IQCE: variants seen among roughly 807,000 people sequenced by gnomAD.
IQCE encodes the protein IQ domain-containing protein E.
In IQCE, 115 loss-of-function variants were observed where a neutral mutation model predicts 96.0. The observed-to-expected ratio is 1.20, with a 90% confidence interval of 1.03 to 1.40. The LOEUF (loss-of-function observed/expected upper bound fraction) is 1.40, where lower values mean the gene tolerates loss of function less well. Ranked by LOEUF, IQCE falls within the 40% of genes most tolerant of loss-of-function variation. IQCE has a pLI of 0.00. For synonymous variants in IQCE, 412 were observed against 371.2 expected (o/e 1.11, Z -1.26); for missense variants, 1,041 against 909.1 (o/e 1.15, Z -1.87).
chr7:2,567,326 G>C (rs1781454739), intron 2 of IQCE, among the ~76,000 whole-genome samples, 163 bp downstream of exon 2: 1 of 152,242 alleles, frequency 6.6e-6, no homozygotes, highest in Non-Finnish European at 1.5e-5. Flanking sequence ...CCAGCCCTTA[G>C]GTTTAAATAC....
In IQCE at chr7:2,610,256, G is replaced by C. The variant is rs148380787; in HGVS notation, c.*94G>C. The C allele has an allele frequency of 4.1e-5, 33 of 797,798 alleles. No individual in the cohort carries two copies. In the South Asian group the frequency reaches 4.3e-4, roughly 10 times the overall value. 49.4% of individuals were successfully genotyped at this position (797,798 alleles called of 1,614,324 possible). ...TAATTTATCGTGTTAGGAGAAGAACGATGATACCTACTTAACACCTCAGCA... is the reference window on the plus strand; with the variant it reads ...TAATTTATCGTGTTAGGAGAAGAACCATGATACCTACTTAACACCTCAGCA... On this transcript the variant is annotated 3_prime_UTR_variant, in exon 22 of 22. Transcript: ENST00000402050.
rs4719606 is a variant in IQCE, at chr7:2,612,517, G to A, written c.*2355G>A. The A allele has an allele frequency of 6.6e-6, 1 of 152,040 alleles. No individual in the cohort carries two copies. 9.4% of individuals were successfully genotyped at this position (152,040 alleles called of 1,614,324 possible). A position where few individuals can be genotyped will look rare whatever the true frequency, so the allele number is the denominator to read the frequency against. On this transcript the variant is annotated 3_prime_UTR_variant, in exon 22 of 22. Coordinates refer to ENST00000402050, the MANE Select transcript of IQCE (RefSeq NM_152558.5). ...GGACTTAGGCAGGAGGGGAAGAGAAGCCCATGGAGCCATGGGAGGGGTGAG... is the reference window on the plus strand; with the variant it reads ...GGACTTAGGCAGGAGGGGAAGAGAAACCCATGGAGCCATGGGAGGGGTGAG...
chr7:2,567,383 A>C (rs1271440202), intron 2 of IQCE, among the ~76,000 whole-genome samples: 1 of 152,284 alleles, frequency 6.6e-6, no homozygotes. Flanking sequence ...AATCCTGAGC[A>C]GGGCTCATGT....
intron 7 of IQCE, 40 bp from the exon 8 acceptor site, chr7:2,578,436 C>T (rs760075112): frequency 6.2e-7 from 1 of 1,613,584 alleles, no homozygotes; most frequent in East Asian, 2.2e-5. Flanking sequence ...CTGGGGGCTA[C>T]ACCGAAGGCC....
At chr7:2,581,054 A>G (rs940206606) in intron 8 of IQCE, among the ~76,000 whole-genome samples, 9 of 152,016 alleles carry the variant, frequency 5.9e-5, no homozygotes, top group African/African-American at 2.2e-4. Context: ...CGTGTTAGCC[A>G]GGATGGTCTC....
chr7:2,603,974 A>G (rs1289076906), intron 18 of IQCE, among the ~76,000 whole-genome samples: 4 of 138,696 alleles, frequency 2.9e-5, no homozygotes, highest in Non-Finnish European at 6.1e-5. Flanking sequence ...TGAACTTCTT[A>G]CGGAGCTTCC....
At chr7:2,598,747 T>G in intron 17 of IQCE, 115 bp downstream of exon 17, 3 of 903,010 alleles carry the variant, frequency 3.3e-6, no homozygotes, top group Non-Finnish European at 4.6e-6. Flanking sequence ...CCCAGGTGTC[T>G]GAGCACCGTA....
At chr7:2,606,096 C>T in intron 20 of IQCE, 99 bp downstream of exon 20, 1 of 1,389,356 alleles carries the variant, frequency 7.2e-7, no homozygotes, top group Non-Finnish European at 9.5e-7. Context: ...GTGGCGGAAA[C>T]TGGAGCAGCG....
rs1263318921 is a variant in IQCE, at chr7:2,614,088, C to G, written c.*3926C>G. The G allele has an allele frequency of 6.6e-6, 1 of 152,160 alleles. No homozygotes were observed. 9.4% of individuals were successfully genotyped at this position (152,160 alleles called of 1,614,324 possible). The stretch of plus-strand genomic sequence containing the variant: ...CCTGACGAGACGTGAGGACCATGCC[C>G]TTGATCCCTCCGATGGACCAGAAAC... On this transcript the variant is annotated 3_prime_UTR_variant, in exon 22 of 22. Coordinates refer to ENST00000402050, the MANE Select transcript of IQCE (RefSeq NM_152558.5).
Position 2,572,267 on chromosome 7 carries a change from ACTGT to A in IQCE, c.339_342del (p.Cys113Ter), listed in dbSNP as rs770209210. On this transcript the variant is annotated frameshift_variant, in exon 5 of 22. Transcript: ENST00000402050. LOFTEE classifies it high-confidence loss of function. Reference sequence around the variant, plus strand: ...ACTGGCGTCCCCGGCGGCACTCCTGACTGTCTGACAGACACCTTCAGAGTGAAGA... The same window carrying A: ...ACTGGCGTCCCCGGCGGCACTCCTGACTGACAGACACCTTCAGAGTGAAGA... The A allele has an allele frequency of 2.5e-6, 4 of 1,614,036 alleles. No individual in the cohort carries two copies. Among genetic ancestry groups the A allele is most frequent in the Non-Finnish European group, 2.5e-6 (3 of 1,179,982 alleles).
At chr7:2,587,631 A>G (rs1480373415) in intron 12 of IQCE, among the ~76,000 whole-genome samples, 191 bp from the exon 13 acceptor site, 2 of 152,034 alleles carry the variant, frequency 1.3e-5, no homozygotes, top group African/African-American at 4.8e-5. Context: ...CTATCTCTTC[A>G]CGATCCAAGG....
At position 2,559,150 on chromosome 7, in the gene IQCE, A is replaced by T. The variant is rs555742939; in HGVS notation, c.-32A>T. 2.7e-5 allele frequency: 32 copies of T among 1,204,480 alleles called. No homozygotes were observed. The East Asian group carries it at 8.2e-4, about 31-fold the overall frequency. The allele number at this position is 1,204,480 out of a possible 1,614,324, so 74.6% of individuals were successfully genotyped here. A position where few individuals can be genotyped will look rare whatever the true frequency, so the allele number is the denominator to read the frequency against. ...CCAGACCCGGACGCCCGAGCCAGCA[A>T]CCCTGAGGGGCGGCCGGGCAGCGCC... On this transcript the variant is annotated 5_prime_UTR_variant, in exon 1 of 22. Transcript: ENST00000402050.
At chr7:2,560,901 G>A (rs1393957972) in intron 1 of IQCE, among the ~76,000 whole-genome samples, 3 of 143,738 alleles carry the variant, frequency 2.1e-5, no homozygotes, top group East Asian at 2.2e-4. Context: ...AGCTTGCAGC[G>A]AGCCAAGATC....
chr7:2,597,733 T>C (rs906084374), intron 16 of IQCE, among the ~76,000 whole-genome samples: 2 of 152,216 alleles, frequency 1.3e-5, no homozygotes, highest in African/African-American at 4.8e-5. Context: ...AGCGGCACAA[T>C]CATGGCTCAC....
intron 20 of IQCE, among the ~76,000 whole-genome samples, chr7:2,606,545 C>G (rs34660446): frequency 0.16 from 24,796 of 152,178 alleles, 2,385 homozygotes; most frequent in Non-Finnish European, 0.22. Flanking sequence ...CTCCGTCACC[C>G]CCGTCTGCTT....
At chr7:2,593,983 C>T (rs941592481) in intron 15 of IQCE, among the ~76,000 whole-genome samples, 12 of 152,138 alleles carry the variant, frequency 7.9e-5, no homozygotes, top group East Asian at 7.7e-4. Context: ...AAACTGTGGC[C>T]GGGCACAGTG....
intron 21 of IQCE, among the ~76,000 whole-genome samples, chr7:2,607,749 CCA>C (rs1234038553): frequency 6.6e-6 from 1 of 152,136 alleles, no homozygotes; most frequent in East Asian, 1.9e-4. Context: ...AGCTGGAAAG[CCA>C]CTCTCCACCC....
At chr7:2,562,296 A>ATATATATATATG (rs1781025595) in intron 1 of IQCE, among the ~76,000 whole-genome samples, 1 of 151,492 alleles carries the variant, frequency 6.6e-6, no homozygotes, top group African/African-American at 2.4e-5. Context: ...ATATATATAT[A>ATATATATATATG]TATATAAAAT....
intron 1 of IQCE, chr7:2,566,712 T>C: frequency 5.2e-6 from 1 of 193,198 alleles, no homozygotes; most frequent in Non-Finnish European, 1.1e-5. Flanking sequence ...AAGATGACTC[T>C]CACCCGTTCT....
Sources: allele counts gnomAD v4.1 joint callset (sites outside exome capture counted in the v4.1 genomes callset), GRCh38; gene constraint gnomAD v4.1.1; transcripts MANE v1.5; gene names NCBI Gene and HGNC (gene_info 2026-07-23, HGNC 2026-07-21).